The following THOC2 variants were observed in gnomAD, a reference collection of about 807,000 sequenced individuals.
THOC2 encodes THO complex 2.
A neutral mutation model predicts 128.4 loss-of-function variants in THOC2; 10 were observed. The observed-to-expected ratio is 0.08, with a 90% confidence interval of 0.05 to 0.13. The LOEUF (loss-of-function observed/expected upper bound fraction) is 0.13, where lower values mean the gene tolerates loss of function less well. Among genes scored for constraint, THOC2 ranks in the 10% least tolerant of loss-of-function variants. The pLI is 1.00. For missense variants in THOC2, 535 were observed against 1,155.7 expected (o/e 0.46, Z 7.79); for synonymous variants, 393 against 396.9 (o/e 0.99, Z 0.12).
rs187329113 is a variant in THOC2 at position 123,606,286 on chromosome X, A to G, written c.*18+4632T>C. Among the ~76,000 whole-genome samples the G allele has an allele frequency of 2.3e-4, 25 of 108,277 alleles. No homozygotes were observed. The East Asian group carries it at 3.1e-3, about 14-fold the overall frequency. The allele number at this position is 108,277 out of a possible 115,157, so 94.0% of individuals were successfully genotyped here. The stretch of plus-strand genomic sequence containing the variant: ...GACCTCGTCTCTACAAAAAAAAAAA[A>G]AAAGAAAGAAAGAAAGAAAGACAGG... On this transcript the variant is annotated intron_variant, in intron 38 of 38. Transcript: ENST00000245838.
At position 123,721,786 on chromosome X, in the gene THOC2, C is replaced by CA. The variant is rs1218436792; in HGVS notation, c.72-8879dup. Among the ~76,000 whole-genome samples, 585 of 96,809 alleles carry CA rather than the reference C, an allele frequency of 6.0e-3. 1 individual carries two copies. Among genetic ancestry groups the CA allele is most frequent in the African/African-American group, 0.02 (520 of 26,637 alleles). 84.1% of individuals were successfully genotyped at this position (96,809 alleles called of 115,157 possible). ...AGGCGAGAGAGCAAGACTCTATCTCCAAAAAAAAAAAATTAAAATTAAAAA... is the reference window on the plus strand; with the variant it reads ...AGGCGAGAGAGCAAGACTCTATCTCCAAAAAAAAAAAAATTAAAATTAAAAA... On this transcript the variant is annotated intron_variant, in intron 1 of 38. Transcript: ENST00000245838.
intron 1 of THOC2, among the ~76,000 whole-genome samples, chrX:123,725,512 G>A (rs1465667807): frequency 1.9e-5 from 2 of 106,087 alleles, no homozygotes; most frequent in African/African-American, 6.9e-5. Context: ...AGGTTGAGCT[G>A]GGAGGATCAC....
chrX:123,615,459 G>A (rs1001104968), intron 33 of THOC2, among the ~76,000 whole-genome samples: 1 of 110,699 alleles, frequency 9.0e-6, no homozygotes, highest in Non-Finnish European at 1.9e-5. Context: ...GAGAACGATA[G>A]TCATAAAAAT....
At chrX:123,718,055 G>T (rs1755904106) in intron 1 of THOC2, among the ~76,000 whole-genome samples, 1 of 112,383 alleles carries the variant, frequency 8.9e-6, no homozygotes, top group Non-Finnish European at 1.9e-5. Context: ...CAAAACTAGG[G>T]TAATTAAAAG....
chrX:123,668,326 A>G lies in THOC2; in HGVS notation c.862-12T>C. ...TCAGCCGGAAGAAGCTAAAAATGGT[A>G]CATTAAAATTTCATAAAATAGCTAA... On this transcript the variant is annotated splice_polypyrimidine_tract_variant and intron_variant, in intron 9 of 38. Transcript: ENST00000245838. The G allele has an allele frequency of 8.8e-7, 1 of 1,142,735 alleles. No homozygotes were observed. Among genetic ancestry groups the G allele is most frequent in the Non-Finnish European group, 1.2e-6 (1 of 854,245 alleles). 94.2% of individuals were successfully genotyped at this position (1,142,735 alleles called of 1,213,427 possible).
chrX:123,678,634 T>TG (rs1469597980), intron 8 of THOC2, among the ~76,000 whole-genome samples: 4 of 110,822 alleles, frequency 3.6e-5, no homozygotes. Flanking sequence ...TGAATTTTCT[T>TG]GGGGGTTCTT....
Position 123,706,935 on chromosome X carries a change from G to C in THOC2, c.145C>G (p.Leu49Val). ...SSTYRDFQQA[L>V]YELSYHVIKG... ...ATTACATGATATGACAACTCATAGA[G>C]AGCTTGCTGGAAATCTGTTGAACAT... The change falls in exon 3 of 39, where the codon CTC (leucine) becomes GTC (valine). Residue 49 changes from leucine (L) to valine (V), a missense_variant. Around this residue, in one of 9 missense-constraint regions of THOC2, gnomAD observed 61 missense variants for 84.3 expected, o/e 0.72. Coordinates refer to ENST00000245838, the MANE Select transcript of THOC2 (RefSeq NM_001081550.2). 1 of 1,126,971 alleles carries C rather than the reference G, an allele frequency of 8.9e-7. No homozygotes were observed. The highest frequency in any genetic ancestry group is 1.2e-6 in the Non-Finnish European group (1 of 841,517). 92.9% of individuals were successfully genotyped at this position (1,126,971 alleles called of 1,213,427 possible).
At chrX:123,626,725 G>A in intron 23 of THOC2, 63 bp from the exon 24 acceptor site, 1 of 1,059,601 alleles carries the variant, frequency 9.4e-7, no homozygotes, top group Non-Finnish European at 1.3e-6. Context: ...TCTTTTAATT[G>A]AAAAGTTTAA....
intron 1 of THOC2, among the ~76,000 whole-genome samples, chrX:123,716,712 G>A (rs1470904966): frequency 3.0e-5 from 3 of 98,399 alleles, no homozygotes; most frequent in Admixed American, 1.1e-4. Flanking sequence ...CTGGGCGACA[G>A]AGCGAGACTC....
chrX:123,644,893 C>G lies in THOC2; in HGVS notation c.1445G>C (p.Cys482Ser). ...DKEKTEVILS[C>S]LLSITDQVLL... Reference sequence around the variant, plus strand: ...TACCTGGTCAGTAATGCTAAGCAAACAGCTAAGGATAACTTCCTAAAAGAA... The same window carrying G: ...TACCTGGTCAGTAATGCTAAGCAAAGAGCTAAGGATAACTTCCTAAAAGAA... The change falls in exon 14 of 39, where the codon TGT becomes TCT. Residue 482 changes from cysteine (C) to serine (S), a missense_variant. Coordinates refer to ENST00000245838, the MANE Select transcript of THOC2 (RefSeq NM_001081550.2). 2 of 1,202,455 alleles carry G rather than the reference C, an allele frequency of 1.7e-6. No individual in the cohort carries two copies. The highest frequency in any genetic ancestry group is 2.2e-6 in the Non-Finnish European group (2 of 890,768).
chrX:123,601,882 CAAG>C (rs1280220744), intron 38 of THOC2: 1 of 112,094 alleles, frequency 8.9e-6, no homozygotes, highest in Non-Finnish European at 1.9e-5. Context: ...ACATTTTTCA[CAAG>C]GACACAATTT....
chrX:123,625,728 C>G (rs1410833777), intron 25 of THOC2, among the ~76,000 whole-genome samples, 184 bp downstream of exon 25: 1 of 111,371 alleles, frequency 9.0e-6, no homozygotes, highest in Non-Finnish European at 1.9e-5. Context: ...AGAAAACAGG[C>G]ACAGAGAGGT....
intron 22 of THOC2, among the ~76,000 whole-genome samples, chrX:123,628,723 A>G (rs1049773831): frequency 1.1e-5 from 1 of 94,231 alleles, no homozygotes; most frequent in Non-Finnish European, 2.1e-5. Context: ...AATAAAAATT[A>G]AAAAAAAAAA....
At chrX:123,614,022 C>T (rs1465375533) in intron 34 of THOC2, 30 bp downstream of exon 34, 4 of 1,185,031 alleles carry the variant, frequency 3.4e-6, no homozygotes, top group African/African-American at 3.5e-5. Flanking sequence ...AATGAGCTTT[C>T]CAAACTAGTT....
intron 12 of THOC2, among the ~76,000 whole-genome samples, chrX:123,648,108 G>A (rs765377494): frequency 1.8e-5 from 2 of 111,036 alleles, no homozygotes; most frequent in Non-Finnish European, 3.8e-5. Context: ...TGAGGTACCC[G>A]GCTCATCTCA....
At chrX:123,650,382 T>C (rs2048306687) in intron 12 of THOC2, among the ~76,000 whole-genome samples, 1 of 111,962 alleles carries the variant, frequency 8.9e-6, no homozygotes, top group Non-Finnish European at 1.9e-5. Context: ...ATCGACACTA[T>C]GAAGAAACTG....
Position 123,620,981 on chromosome X carries a change from G to A in THOC2, c.4217-16C>T, listed in dbSNP as rs372748560. On this transcript the variant is annotated splice_polypyrimidine_tract_variant and intron_variant, in intron 31 of 38. Coordinates refer to ENST00000245838, the MANE Select transcript of THOC2 (RefSeq NM_001081550.2). The stretch of plus-strand genomic sequence containing the variant: ...CGTTTTTGTTCTGTTAAGACAAAAA[G>A]AAATAGTCAGAATAAGGTACATTTC... 138 of 1,199,616 alleles carry A rather than the reference G, an allele frequency of 1.2e-4. No homozygotes were observed. The highest frequency in any genetic ancestry group is 1.5e-4 in the Non-Finnish European group (131 of 888,146).
chrX:123,638,748 A>ACT (rs1293174121), intron 17 of THOC2, among the ~76,000 whole-genome samples, 186 bp downstream of exon 17: 10 of 103,661 alleles, frequency 9.6e-5, no homozygotes, highest in African/African-American at 3.8e-4. Context: ...ACACACACAC[A>ACT]CACTCTCTCT....
chrX:123,617,327 A>T (rs1476515411), intron 33 of THOC2, among the ~76,000 whole-genome samples: 1 of 110,968 alleles, frequency 9.0e-6, no homozygotes, highest in Non-Finnish European at 1.9e-5. Flanking sequence ...TGTATATGCC[A>T]TTTTCAAATT....
Sources: allele counts gnomAD v4.1 joint callset (sites outside exome capture counted in the v4.1 genomes callset), GRCh38; gene constraint gnomAD v4.1.1; regional missense constraint gnomAD v4.1.1; transcripts MANE v1.5; gene names NCBI Gene and HGNC (gene_info 2026-07-23, HGNC 2026-07-21).